UNC5D: variants seen among roughly 807,000 people sequenced by gnomAD.
The protein encoded by UNC5D is unc-5 netrin receptor D.
A neutral mutation model predicts 105.4 loss-of-function variants in UNC5D; 39 were observed. The ratio of observed to expected loss-of-function variants is 0.37; its 90% CI spans 0.29 to 0.48. The LOEUF (loss-of-function observed/expected upper bound fraction) is 0.48, where lower values mean the gene tolerates loss of function less well. Ranked by LOEUF, UNC5D falls within the 20% of genes least tolerant of loss-of-function variation. The pLI is 0.98. For missense variants in UNC5D, 991 were observed against 1,202.4 expected, an observed-to-expected ratio of 0.82 and a Z score of 2.60; for synonymous variants, 452 against 450.4, an observed-to-expected ratio of 1.00 and a Z score of -0.04.
At chr8:35,775,573 G>A (rs770857608) in intron 16 of UNC5D, among the ~76,000 whole-genome samples, 1 of 151,900 alleles carries the variant, frequency 6.6e-6, no homozygotes, top group African/African-American at 2.4e-5. Flanking sequence ...TATTTTGCCA[G>A]AACCATTTTA....
chr8:35,485,299 A>G (rs1023612092), intron 1 of UNC5D, among the ~76,000 whole-genome samples: 2 of 152,138 alleles, frequency 1.3e-5, no homozygotes, highest in Non-Finnish European at 2.9e-5. Context: ...CTCAGCTAAT[A>G]TTTGTTTCTA....
At chr8:35,481,499 C>T (rs1810477990) in intron 1 of UNC5D, among the ~76,000 whole-genome samples, 1 of 152,180 alleles carries the variant, frequency 6.6e-6, no homozygotes, top group Non-Finnish European at 1.5e-5. Flanking sequence ...ACCAGGTCTT[C>T]AGCCCCTACA....
chr8:35,501,749 T>C (rs760745368), intron 1 of UNC5D, among the ~76,000 whole-genome samples: 2 of 152,222 alleles, frequency 1.3e-5, no homozygotes, highest in Admixed American at 1.3e-4. Flanking sequence ...ACTTCATAAA[T>C]ATAAAATTCC....
At chr8:35,511,359 T>C (rs539831669) in intron 1 of UNC5D, among the ~76,000 whole-genome samples, 1 of 151,548 alleles carries the variant, frequency 6.6e-6, no homozygotes, top group East Asian at 1.9e-4. Flanking sequence ...TTATAGCTGG[T>C]GCAGTGGTGT....
intron 3 of UNC5D, among the ~76,000 whole-genome samples, chr8:35,590,488 T>C (rs1586197400): frequency 1.3e-5 from 2 of 152,324 alleles, no homozygotes; most frequent in Admixed American, 1.3e-4. Context: ...CTTTTCCCAC[T>C]TAATTTATGT....
At chr8:35,763,355 T>C (rs558367333) in intron 14 of UNC5D, among the ~76,000 whole-genome samples, 9 of 152,108 alleles carry the variant, frequency 5.9e-5, no homozygotes, top group Middle Eastern at 3.4e-3. Context: ...CATTACTCTT[T>C]TATATTTCTT....
intron 1 of UNC5D, among the ~76,000 whole-genome samples, chr8:35,373,061 C>T (rs1455713515): frequency 2.0e-5 from 3 of 152,144 alleles, no homozygotes; most frequent in Admixed American, 1.3e-4. Flanking sequence ...CCGTGGTCTG[C>T]CCCATTCCCA....
chr8:35,254,408 C>T (rs921125995), intron 1 of UNC5D: 2 of 152,118 alleles, frequency 1.3e-5, no homozygotes, highest in African/African-American at 4.8e-5. Context: ...TCCAGAGTGT[C>T]TTTTAATATC....
intron 1 of UNC5D, among the ~76,000 whole-genome samples, chr8:35,451,029 TATAATA>T (rs1247166214): frequency 2.1e-5 from 3 of 143,144 alleles, no homozygotes; most frequent in Non-Finnish European, 4.5e-5. Flanking sequence ...GAGGAGCATC[TATAATA>T]ATAATCTTTT....
intron 1 of UNC5D, among the ~76,000 whole-genome samples, chr8:35,325,315 CT>C (rs762369118): frequency 8.5e-5 from 13 of 152,150 alleles, no homozygotes; most frequent in Non-Finnish European, 1.5e-4. Context: ...CTTGATAATG[CT>C]TAAGTGCTTC....
rs1434395240 is a variant in UNC5D at position 35,792,901 on chromosome 8, T to C, written c.*2338T>C. ...TCTAAATGATTTTCCCTCAAATCTA[T>C]CTAGATTATTTTAAGATGAGACAAG... On this transcript the variant is annotated 3_prime_UTR_variant, in exon 17 of 17. Coordinates refer to ENST00000404895, the MANE Select transcript of UNC5D (RefSeq NM_080872.4). 2.5e-6 allele frequency: 1 copy of C among 407,194 alleles called. No homozygotes were observed. Among genetic ancestry groups the C allele is most frequent in the Non-Finnish European group, 4.7e-6 (1 of 211,286 alleles). The allele number at this position is 407,194 out of a possible 1,614,324, so 25.2% of individuals were successfully genotyped here. A position where few individuals can be genotyped will look rare whatever the true frequency, so the allele number is the denominator to read the frequency against.
chr8:35,589,302 A>G (rs1819000981), intron 3 of UNC5D, among the ~76,000 whole-genome samples: 2 of 152,122 alleles, frequency 1.3e-5, no homozygotes, highest in Non-Finnish European at 2.9e-5. Flanking sequence ...ATGCACCAAA[A>G]AATTAACCAC....
Position 35,512,564 on chromosome 8 carries a change from TA to T in UNC5D, c.104-36727del, listed in dbSNP as rs1260379189. 1.7e-3 allele frequency among the ~76,000 whole-genome samples: 167 copies of T among 100,004 alleles called. 9 individuals carry two copies. Among genetic ancestry groups the T allele is most frequent in the African/African-American group, 6.9e-3 (157 of 22,778 alleles). The allele number at this position is 100,004 out of a possible 152,430, so 65.6% of individuals were successfully genotyped here. On this transcript the variant is annotated intron_variant, in intron 1 of 16. Transcript: ENST00000404895. ...GTATATATATATATATATATATATATATATATCTGAATAGATTACTAAATGG... is the reference window on the plus strand; with the variant it reads ...GTATATATATATATATATATATATATTATATCTGAATAGATTACTAAATGG...
intron 16 of UNC5D, among the ~76,000 whole-genome samples, chr8:35,788,700 GCACACA>G (rs150561818): frequency 1.3e-4 from 19 of 146,720 alleles, no homozygotes; most frequent in African/African-American, 4.2e-4. Context: ...ACACACACAC[GCACACA>G]CACACACACA....
intron 2 of UNC5D, among the ~76,000 whole-genome samples, chr8:35,558,276 A>G (rs1816700572): frequency 6.6e-6 from 1 of 152,306 alleles, no homozygotes; most frequent in South Asian, 2.1e-4. Context: ...CCAGCAAAAC[A>G]TGTCATAAAA....
chr8:35,456,946 T>C (rs1808537423), intron 1 of UNC5D, among the ~76,000 whole-genome samples: 1 of 152,236 alleles, frequency 6.6e-6, no homozygotes, highest in Non-Finnish European at 1.5e-5. Context: ...GTAATCTATA[T>C]GATGCATGAA....
intron 1 of UNC5D, among the ~76,000 whole-genome samples, chr8:35,402,164 AT>A (rs1436254339): frequency 1.3e-5 from 2 of 152,070 alleles, no homozygotes; most frequent in African/African-American, 4.8e-5. Flanking sequence ...TCTTTATTTC[AT>A]TTATCTGTCA....
At chr8:35,349,154 CAAAG>C (rs1019703867) in intron 1 of UNC5D, among the ~76,000 whole-genome samples, 40 of 151,824 alleles carry the variant, frequency 2.6e-4, no homozygotes, top group Non-Finnish European at 5.2e-4. Context: ...GTATACTTGA[CAAAG>C]GAAGGAGTTT....
At chr8:35,586,590 G>A (rs2130863412) in intron 3 of UNC5D, among the ~76,000 whole-genome samples, 1 of 152,236 alleles carries the variant, frequency 6.6e-6, no homozygotes, top group South Asian at 2.1e-4. Flanking sequence ...CTGTATTTGG[G>A]TAAGTTACAA....
Sources: gnomAD v4.1 joint callset for allele counts (sites outside exome capture counted in the v4.1 genomes callset) on GRCh38, gnomAD v4.1.1 for gene constraint, MANE v1.5 for transcripts, NCBI Gene and HGNC (gene_info 2026-07-23, HGNC 2026-07-21) for gene names.